Variants in COL27A1 observed in about 807,000 individuals in gnomAD.
COL27A1 encodes the protein collagen type XXVII alpha 1 chain.
COL27A1 carries 106 observed loss-of-function variants against 251.3 expected under a neutral mutation model. The ratio of observed to expected loss-of-function variants is 0.42; its 90% CI spans 0.36 to 0.50. The LOEUF (loss-of-function observed/expected upper bound fraction) is 0.50. Ranked by LOEUF, COL27A1 falls within the 20% of genes least tolerant of loss-of-function variation. COL27A1 has a pLI of 0.00. For synonymous variants in COL27A1, 1,000 were observed against 986.3 expected, an observed-to-expected ratio of 1.01 and a Z score of -0.26; for missense variants, 2,325 against 2,522.8, an observed-to-expected ratio of 0.92 and a Z score of 1.68.
At chr9:114,249,959 C>T (rs1184623838) in intron 24 of COL27A1, among the ~76,000 whole-genome samples, 15 of 152,186 alleles carry the variant, frequency 9.9e-5, no homozygotes, top group Non-Finnish European at 1.5e-5. Flanking sequence ...TGTCCACCCT[C>T]GCTGCGCGTG....
chr9:114,250,241 A>G (rs1254207686), intron 24 of COL27A1, among the ~76,000 whole-genome samples: 4 of 152,360 alleles, frequency 2.6e-5, no homozygotes, highest in African/African-American at 9.6e-5. Flanking sequence ...TCTTTGAAAC[A>G]GCCCCAGAGC....
chr9:114,232,435 G>A (rs1169362661), intron 16 of COL27A1, among the ~76,000 whole-genome samples: 5 of 152,194 alleles, frequency 3.3e-5, no homozygotes, highest in Admixed American at 6.5e-5. Context: ...ACAGGCCCTG[G>A]GGGCCCAGAG....
At chr9:114,294,680 G>T (rs922437982) in intron 49 of COL27A1, among the ~76,000 whole-genome samples, 11 of 152,186 alleles carry the variant, frequency 7.2e-5, no homozygotes, top group African/African-American at 2.7e-4. Context: ...AGGTATAGAA[G>T]TTCCTCAACT....
chr9:114,231,995 C>G, intron 16 of COL27A1, 129 bp downstream of exon 16: 1 of 883,014 alleles, frequency 1.1e-6, no homozygotes. Context: ...TCTGGCCTCC[C>G]CTAAATCTGT....
Position 114,290,272 on chromosome 9 carries a change from C to T in COL27A1, c.4309C>T (p.Leu1437Phe), listed in dbSNP as rs745650199. ...GPRGVVGRQGLEGIAGPDGLP... is the reference protein window; with the variant it reads ...GPRGVVGRQGFEGIAGPDGLP... Reference sequence around the variant, plus strand: ...CCGGGGCGTGGTGGGGAGACAGGGCCTCGAGGGCATCGCTGGACCAGATGG... The same window carrying T: ...CCGGGGCGTGGTGGGGAGACAGGGCTTCGAGGGCATCGCTGGACCAGATGG... The change falls in exon 47 of 61, where the codon CTC becomes TTC. Residue 1437 changes from leucine to phenylalanine, a missense_variant. Around this residue, in one of 4 missense-constraint regions of COL27A1, gnomAD observed 153 missense variants for 140.7 expected, o/e 1.09. Transcript: ENST00000356083. The surrounding 1 kb of genome is among the most constrained non-coding windows in gnomAD (Gnocchi z 4.6). 38 of 1,580,018 alleles carry T rather than the reference C, an allele frequency of 2.4e-5. No individual in the cohort carries two copies. Among genetic ancestry groups the T allele is most frequent in the Non-Finnish European group, 3.0e-5 (35 of 1,163,110 alleles).
chr9:114,237,597 C>A, intron 18 of COL27A1, 65 bp from the exon 19 acceptor site: 10 of 1,342,110 alleles, frequency 7.5e-6, no homozygotes, highest in East Asian at 2.3e-5. Context: ...AGCGGGGGAA[C>A]GCAGGGGGTT....
intron 5 of COL27A1, among the ~76,000 whole-genome samples, chr9:114,190,360 C>G (rs1423942651): frequency 6.6e-6 from 1 of 152,162 alleles, no homozygotes; most frequent in Admixed American, 6.5e-5. Flanking sequence ...CAGCCTTGAC[C>G]TCCTGGACTC....
At chr9:114,191,731 G>A (rs1012236994) in intron 5 of COL27A1, among the ~76,000 whole-genome samples, 6 of 152,206 alleles carry the variant, frequency 3.9e-5, no homozygotes, top group African/African-American at 1.4e-4. Context: ...GAATATACAA[G>A]TGCATGTATC....
intron 37 of COL27A1, among the ~76,000 whole-genome samples, chr9:114,276,515 G>GA (rs1408464761): frequency 6.6e-6 from 1 of 152,200 alleles, no homozygotes; most frequent in African/African-American, 2.4e-5. Context: ...TGAGGCAGGA[G>GA]AATCACTTGA....
At chr9:114,300,604 C>T in intron 50 of COL27A1, 21 bp from the exon 51 acceptor site, 1 of 1,535,478 alleles carries the variant, frequency 6.5e-7, no homozygotes, top group Non-Finnish European at 8.8e-7. Flanking sequence ...GTACAGACAG[C>T]CCTTTCTCTG....
upstream of COL27A1, chr9:114,155,501 G>C (rs944329127): frequency 3.9e-5 from 6 of 152,168 alleles, no homozygotes; most frequent in East Asian, 5.8e-4. This position sits in a 1 kb window ranked among gnomAD's most constrained non-coding sequence, Gnocchi z 5.5. Flanking sequence ...ACCGCGGGCC[G>C]AGACTTTAAA....
intron 15 of COL27A1, 62 bp downstream of exon 15, chr9:114,231,194 C>T: frequency 6.7e-7 from 1 of 1,489,040 alleles, no homozygotes; most frequent in South Asian, 1.2e-5. Flanking sequence ...CGACCCATTT[C>T]AGCCCAGAAG....
intron 37 of COL27A1, among the ~76,000 whole-genome samples, chr9:114,280,887 A>G (rs1034078873): frequency 9.2e-5 from 14 of 152,062 alleles, no homozygotes; most frequent in African/African-American, 3.4e-4. Flanking sequence ...CCGCCCCATA[A>G]TTTTCATGCG....
intron 7 of COL27A1, among the ~76,000 whole-genome samples, chr9:114,200,832 G>A (rs572687714): frequency 3.9e-5 from 6 of 152,324 alleles, no homozygotes; most frequent in African/African-American, 7.2e-5. Flanking sequence ...GGGAGGTAGC[G>A]AAGTTCAGCA....
At chr9:114,156,348 G>T (rs1445139902) in intron 1 of COL27A1, among the ~76,000 whole-genome samples, 1 of 151,736 alleles carries the variant, frequency 6.6e-6, no homozygotes, top group South Asian at 2.1e-4. Context: ...GCTTGGGGGA[G>T]GAGGGGGGTC....
Position 114,155,911 on chromosome 9 carries a change from C to T in COL27A1, c.-40C>T, listed in dbSNP as rs968079545. 5.0e-6 allele frequency: 6 copies of T among 1,205,584 alleles called. No individual in the cohort carries two copies. Among genetic ancestry groups the T allele is most frequent in the South Asian group, 8.1e-5 (2 of 24,610 alleles). The allele number at this position is 1,205,584 out of a possible 1,614,324, so 74.7% of individuals were successfully genotyped here. A position where few individuals can be genotyped will look rare whatever the true frequency, so the allele number is the denominator to read the frequency against. On this transcript the variant is annotated 5_prime_UTR_variant, in exon 1 of 61. Transcript: ENST00000356083. The surrounding 1 kb of genome is among the most constrained non-coding windows in gnomAD (Gnocchi z 5.5). ...GGCGGCCCCATGGGGCGCGCCCACA[C>T]TTGCCCCCCGGGCTCGGGAGCATGA... is the stretch of plus-strand genomic sequence containing the variant.
chr9:114,263,157 T>A (rs1424238167), intron 28 of COL27A1, among the ~76,000 whole-genome samples: 3 of 152,172 alleles, frequency 2.0e-5, no homozygotes, highest in Admixed American at 6.5e-5. Flanking sequence ...CAGGCTGGTC[T>A]TGAACTCCTG....
chr9:114,209,845 G>C (rs1390035820), intron 11 of COL27A1, 117 bp downstream of exon 11: 2 of 929,460 alleles, frequency 2.2e-6, no homozygotes, highest in East Asian at 4.8e-5. Context: ...AGGTGCACTT[G>C]AGTCGAGTAG....
rs1460032424 is a variant in COL27A1 at position 114,282,510 on chromosome 9, T to C, written c.3825T>C (p.Pro1275=). 1.3e-6 allele frequency: 2 copies of C among 1,576,814 alleles called. No homozygotes were observed. Among genetic ancestry groups the C allele is most frequent in the Non-Finnish European group, 1.7e-6 (2 of 1,162,912 alleles). The change falls in exon 39 of 61, where the codon CCT becomes CCC. Residue 1275 remains proline, a synonymous_variant. Coordinates refer to ENST00000356083, the MANE Select transcript of COL27A1 (RefSeq NM_032888.4). ...GTGAGATGGGCGTCCCTGGAGACCC[T>C]GGACCCCCTGGCACTCCAGGCCCTA... is the stretch of plus-strand genomic sequence containing the variant. ...QLGEMGVPGD[P]GPPGTPGPKG...
Sources: gnomAD v4.1 joint callset for allele counts (sites outside exome capture counted in the v4.1 genomes callset) on GRCh38, gnomAD v4.1.1 for gene constraint, gnomAD v4.1.1 regional missense constraint, Gnocchi (gnomAD v3.1) non-coding constraint, MANE v1.5 for transcripts, NCBI Gene and HGNC (gene_info 2026-07-23, HGNC 2026-07-21) for gene names.